The following CACNG4 variants were observed in gnomAD, a reference collection of about 807,000 sequenced individuals.
CACNG4 encodes calcium voltage-gated channel auxiliary subunit gamma 4, also known as voltage-dependent calcium channel gamma-4 subunit.
CACNG4 carries 8 observed loss-of-function variants against 22.9 expected under a neutral mutation model. The observed-to-expected ratio is 0.35, with a 90% CI of 0.21 to 0.63. CACNG4 has a LOEUF of 0.63. Ranked by LOEUF, CACNG4 falls within the 30% of genes least tolerant of loss-of-function variation. CACNG4 has a pLI of 0.72. For missense variants in CACNG4, 357 were observed against 455.4 expected (o/e 0.78, Z 1.97); for synonymous variants, 188 against 191.9 (o/e 0.98, Z 0.17).
chr17:67,015,753 T>C (rs1345849023), intron 1 of CACNG4, among the ~76,000 whole-genome samples: 1 of 152,184 alleles, frequency 6.6e-6, no homozygotes, highest in East Asian at 1.9e-4. Context: ...CAACCTCTTA[T>C]TGCCACTGGT....
At chr17:67,011,030 T>C (rs1373952037) in intron 1 of CACNG4, among the ~76,000 whole-genome samples, 2 of 152,216 alleles carry the variant, frequency 1.3e-5, no homozygotes, top group South Asian at 4.1e-4. Context: ...TTTGGAGTAG[T>C]TGGGAGATGG....
chr17:66,985,560 T>A (rs1401733154), intron 1 of CACNG4, among the ~76,000 whole-genome samples: 1 of 152,172 alleles, frequency 6.6e-6, no homozygotes, highest in Non-Finnish European at 1.5e-5. Flanking sequence ...GAGGCAACAT[T>A]ACTCTTGTCT....
At chr17:66,978,745 C>T (rs1231450844) in intron 1 of CACNG4, among the ~76,000 whole-genome samples, 2 of 152,220 alleles carry the variant, frequency 1.3e-5, no homozygotes, top group Non-Finnish European at 2.9e-5. Flanking sequence ...GAGCCTTCGC[C>T]CGAGACATTT....
chr17:66,989,664 C>G (rs552716063), intron 1 of CACNG4, among the ~76,000 whole-genome samples: 2 of 151,526 alleles, frequency 1.3e-5, no homozygotes, highest in Non-Finnish European at 2.9e-5. Context: ...ACCACGCTTC[C>G]GAAGTGTTTC....
intron 1 of CACNG4, among the ~76,000 whole-genome samples, chr17:66,974,382 A>C (rs967413647): frequency 2.0e-5 from 3 of 152,232 alleles, no homozygotes; most frequent in African/African-American, 7.2e-5. Context: ...ACATTCTGTT[A>C]AAATGGACTC....
intron 1 of CACNG4, among the ~76,000 whole-genome samples, chr17:66,982,233 T>G (rs1478820021): frequency 2.0e-5 from 3 of 152,208 alleles, no homozygotes; most frequent in Admixed American, 1.3e-4. Context: ...TTCCTTTATT[T>G]GTCCCCGCCC....
intron 1 of CACNG4, among the ~76,000 whole-genome samples, chr17:66,975,509 G>C (rs1239486405): frequency 6.6e-6 from 1 of 152,190 alleles, no homozygotes; most frequent in Non-Finnish European, 1.5e-5. Flanking sequence ...AATCAACCCT[G>C]GGGTTGTGAA....
chr17:66,965,329 C>A (rs1177724558), intron 1 of CACNG4, among the ~76,000 whole-genome samples, 198 bp downstream of exon 1: 1 of 150,964 alleles, frequency 6.6e-6, no homozygotes, highest in African/African-American at 2.4e-5. Flanking sequence ...CCCTTCGCGG[C>A]CAGCTGTACA....
intron 1 of CACNG4, among the ~76,000 whole-genome samples, chr17:67,002,301 G>T (rs753783730): frequency 6.6e-6 from 1 of 152,250 alleles, no homozygotes; most frequent in South Asian, 2.1e-4. Context: ...GGAAAGACCC[G>T]CCCCCATGAT....
At chr17:66,972,477 T>C (rs1253407220) in intron 1 of CACNG4, among the ~76,000 whole-genome samples, 1 of 152,166 alleles carries the variant, frequency 6.6e-6, no homozygotes, top group Admixed American at 6.5e-5. Context: ...AAAAATGGGC[T>C]CAGACTTTGC....
In CACNG4 at chr17:67,021,339, T is replaced by C. The variant is rs117423057; in HGVS notation, c.304+3067T>C. Among the ~76,000 whole-genome samples the C allele has an allele frequency of 1.1e-3, 161 of 152,308 alleles. 3 individuals are homozygous for C. In the East Asian group the frequency reaches 0.03, roughly 28 times the overall value. ...TTGGAGAAGGCAGCAGAAGCTTCCA[T>C]GGTGGGGCTGCCTGCAGGATGCCTG... On this transcript the variant is annotated intron_variant, in intron 2 of 3. Transcript: ENST00000262138.
chr17:66,964,867 C>T lies in CACNG4; in HGVS notation c.-45C>T, dbSNP rs1406652174. ...GCGCGGAGGGAGGAGGGCGGGCGGG[C>T]GCGGCGGGCCGGGCCGGCGGGCGGC... On this transcript the variant is annotated 5_prime_UTR_variant, in exon 1 of 4. Transcript: ENST00000262138. 1.8e-6 allele frequency: 2 copies of T among 1,122,608 alleles called. No homozygotes were observed. Among genetic ancestry groups the T allele is most frequent in the South Asian group, 2.4e-5 (1 of 41,110 alleles). The allele number at this position is 1,122,608 out of a possible 1,614,324, so 69.5% of individuals were successfully genotyped here. A position where few individuals can be genotyped will look rare whatever the true frequency, so the allele number is the denominator to read the frequency against.
rs547491725 is a variant in CACNG4, at chr17:66,994,960, G to A, written c.221-23229G>A. 3.5e-4 allele frequency among the ~76,000 whole-genome samples: 54 copies of A among 152,218 alleles called. 1 individual carries two copies. Among genetic ancestry groups the A allele is most frequent in the Admixed American group, 3.0e-3 (46 of 15,304 alleles). ...AATCTATGGCTGTGGGATGCAGCTGGAGAGAACTGCTTTGCAAATTACCTT... is the reference window on the plus strand; with the variant it reads ...AATCTATGGCTGTGGGATGCAGCTGAAGAGAACTGCTTTGCAAATTACCTT... On this transcript the variant is annotated intron_variant, in intron 1 of 3. Transcript: ENST00000262138.
At chr17:66,968,074 G>A (rs2035181255) in intron 1 of CACNG4, among the ~76,000 whole-genome samples, 1 of 152,192 alleles carries the variant, frequency 6.6e-6, no homozygotes, top group Non-Finnish European at 1.5e-5. Context: ...AGCCCTGGGA[G>A]GACGCTGTCT....
intron 1 of CACNG4, among the ~76,000 whole-genome samples, chr17:66,999,613 A>C (rs1412483629): frequency 6.6e-6 from 1 of 152,112 alleles, no homozygotes; most frequent in African/African-American, 2.4e-5. Flanking sequence ...AAACCATCAG[A>C]TCTCGTGAGA....
At chr17:66,968,054 T>C (rs1037891300) in intron 1 of CACNG4, among the ~76,000 whole-genome samples, 1 of 152,176 alleles carries the variant, frequency 6.6e-6, no homozygotes, top group African/African-American at 2.4e-5. Flanking sequence ...CCGCGTGGCC[T>C]GCCCATGACA....
intron 1 of CACNG4, among the ~76,000 whole-genome samples, chr17:66,978,690 G>A (rs976959336): frequency 2.0e-5 from 3 of 152,218 alleles, no homozygotes; most frequent in South Asian, 2.1e-4. Flanking sequence ...GCACATTGAC[G>A]GCCCAGGTTC....
In CACNG4 at chr17:67,031,997, A is replaced by C. The variant is rs777342498; in HGVS notation, c.*993A>C. 7.7e-5 allele frequency: 35 copies of C among 456,398 alleles called. No individual in the cohort carries two copies. The highest frequency in any genetic ancestry group is 5.3e-4 in the South Asian group (34 of 64,530). The allele number at this position is 456,398 out of a possible 1,614,324, so 28.3% of individuals were successfully genotyped here. On this transcript the variant is annotated 3_prime_UTR_variant, in exon 4 of 4. Coordinates refer to ENST00000262138, the MANE Select transcript of CACNG4 (RefSeq NM_014405.4). This position sits in a 1 kb window ranked among gnomAD's most constrained non-coding sequence, Gnocchi z 4.0. ...TGGCCAATAAAAACCCTAGAGAACA[A>C]ACATCCATTTCCTAGGTGGTTACAA...
intron 1 of CACNG4, among the ~76,000 whole-genome samples, chr17:66,981,989 A>C (rs532165378): frequency 5.1e-4 from 78 of 152,334 alleles, no homozygotes; most frequent in Non-Finnish European, 1.0e-3. Flanking sequence ...GCTAGAGTGC[A>C]GTGGTGGGAT....
Sources: allele counts gnomAD v4.1 joint callset (sites outside exome capture counted in the v4.1 genomes callset), GRCh38; gene constraint gnomAD v4.1.1; non-coding constraint Gnocchi (gnomAD v3.1); transcripts MANE v1.5; gene names NCBI Gene and HGNC (gene_info 2026-07-23, HGNC 2026-07-21).